DENND6A: variants seen among roughly 807,000 people sequenced by gnomAD.
The protein encoded by DENND6A is DENN domain containing 6A.
Under a neutral mutation model 95.5 loss-of-function variants are expected in DENND6A, and 43 were observed. The observed-to-expected ratio is 0.45, with a 90% CI of 0.35 to 0.58. The LOEUF is 0.58. DENND6A is among the 20% of genes least tolerant of loss of function. The pLI is 0.00. For missense variants in DENND6A, 574 were observed against 736.0 expected (o/e 0.78, Z 2.55); for synonymous variants, 257 against 260.4 (o/e 0.99, Z 0.13).
chr3:57,685,800 T>C (rs562993875), intron 1 of DENND6A, among the ~76,000 whole-genome samples: 25 of 152,296 alleles, frequency 1.6e-4, no homozygotes, highest in African/African-American at 6.0e-4. Flanking sequence ...GTTCATTCTA[T>C]TGCAATATGT....
intron 9 of DENND6A, among the ~76,000 whole-genome samples, chr3:57,649,026 T>C (rs777049852): frequency 1.3e-5 from 2 of 151,972 alleles, no homozygotes; most frequent in Admixed American, 6.6e-5. Flanking sequence ...TGGGACTTAT[T>C]TTGCTTCTGT....
At chr3:57,684,292 G>A (rs569302318) in intron 1 of DENND6A, among the ~76,000 whole-genome samples, 6 of 151,514 alleles carry the variant, frequency 4.0e-5, no homozygotes, top group East Asian at 1.9e-4. Flanking sequence ...AAACCCCGTC[G>A]TCTCTACTAA....
chr3:57,633,492 T>A, intron 14 of DENND6A, 138 bp from the exon 15 acceptor site: 1 of 713,002 alleles, frequency 1.4e-6, no homozygotes, highest in South Asian at 2.0e-5. Flanking sequence ...TGAAGTAATT[T>A]AATGTGAAGT....
chr3:57,680,522 A>G (rs1411622422), intron 1 of DENND6A, among the ~76,000 whole-genome samples: 1 of 152,194 alleles, frequency 6.6e-6, no homozygotes, highest in East Asian at 1.9e-4. Flanking sequence ...ACCAAACCCC[A>G]TATCAGCCAG....
chr3:57,673,638 C>T (rs1478344026), intron 1 of DENND6A, among the ~76,000 whole-genome samples: 2 of 152,202 alleles, frequency 1.3e-5, no homozygotes, highest in East Asian at 3.8e-4. Context: ...ATCCCAATAA[C>T]TCTATTTGAT....
At chr3:57,672,535 C>T in intron 1 of DENND6A, 97 bp from the exon 2 acceptor site, 1 of 1,286,700 alleles carries the variant, frequency 7.8e-7, no homozygotes, top group Non-Finnish European at 1.1e-6. Flanking sequence ...GTAATCCCAG[C>T]ACTTTGGGAG....
At chr3:57,676,016 C>T (rs936378978) in intron 1 of DENND6A, among the ~76,000 whole-genome samples, 3 of 151,714 alleles carry the variant, frequency 2.0e-5, no homozygotes, top group Non-Finnish European at 4.4e-5. Flanking sequence ...AAGGCTGCAG[C>T]GAGCCAAGAT....
chr3:57,682,110 T>C (rs1267558357), intron 1 of DENND6A, among the ~76,000 whole-genome samples: 1 of 152,046 alleles, frequency 6.6e-6, no homozygotes, highest in East Asian at 1.9e-4. Context: ...TGTTAAACCA[T>C]TTCCTATGTA....
chr3:57,633,212 A>T (rs1220618311), intron 15 of DENND6A, 53 bp downstream of exon 15: 38 of 1,442,314 alleles, frequency 2.6e-5, no homozygotes, highest in Admixed American at 6.9e-5. Context: ...AAAAACATTT[A>T]TATACCCTTC....
intron 6 of DENND6A, 41 bp from the exon 7 acceptor site, chr3:57,660,880 A>G: frequency 6.7e-7 from 1 of 1,501,578 alleles, no homozygotes; most frequent in South Asian, 1.3e-5. Context: ...ATAAGTGAAA[A>G]TATCAAAGTA....
In DENND6A at chr3:57,657,916, C is replaced by A. The variant is rs529652575; in HGVS notation, c.763-181G>T. ...AATATTCCCTAATATAGCAGAAAAT[C>A]AAAAATAATGCAGATAACATGGATA... On this transcript the variant is annotated intron_variant, in intron 8 of 19. Coordinates refer to ENST00000311128, the MANE Select transcript of DENND6A (RefSeq NM_152678.3). 2.6e-5 allele frequency among the ~76,000 whole-genome samples: 4 copies of A among 152,084 alleles called. No homozygotes were observed. The East Asian group carries it at 7.7e-4, about 29-fold the overall frequency.
chr3:57,655,492 A>C (rs2071306306), intron 9 of DENND6A, among the ~76,000 whole-genome samples: 1 of 152,254 alleles, frequency 6.6e-6, no homozygotes, highest in Non-Finnish European at 1.5e-5. Flanking sequence ...TCTACATTAC[A>C]AAATGTTCCC....
chr3:57,668,128 A>G (rs550051720), intron 3 of DENND6A, among the ~76,000 whole-genome samples: 33 of 152,180 alleles, frequency 2.2e-4, no homozygotes, highest in African/African-American at 7.7e-4. Flanking sequence ...TTATTTTTCT[A>G]ACAATTCAAT....
Position 57,641,678 on chromosome 3 carries a change from A to C in DENND6A, c.1107T>G (p.Ile369Met). Residue 369 changes from isoleucine to methionine, a missense_variant, in exon 12 of 20, where the codon ATT becomes ATG. Transcript: ENST00000311128. ...CTGTAGGTTTAAGGTCTCCTATTCG[A>C]ATAATGTGTGGCCAGTGCTGGAGTG... ...AKTLQHWPHI[I>M]RIGDLKPTGE... is the part of the protein sequence containing the mutation. 4.3e-6 allele frequency: 7 copies of C among 1,613,016 alleles called. No individual in the cohort carries two copies. The highest frequency in any genetic ancestry group is 5.9e-6 in the Non-Finnish European group (7 of 1,179,408).
At chr3:57,686,340 A>G (rs2077211583) in intron 1 of DENND6A, among the ~76,000 whole-genome samples, 1 of 152,232 alleles carries the variant, frequency 6.6e-6, no homozygotes, top group Non-Finnish European at 1.5e-5. Context: ...TTTCAAAATA[A>G]ATCTTTGATT....
At chr3:57,653,338 A>G (rs2071248844) in intron 9 of DENND6A, among the ~76,000 whole-genome samples, 1 of 152,234 alleles carries the variant, frequency 6.6e-6, no homozygotes, top group Non-Finnish European at 1.5e-5. Flanking sequence ...GTTACAAGAT[A>G]AATCATTCTT....
intron 9 of DENND6A, among the ~76,000 whole-genome samples, chr3:57,653,866 T>C (rs2071264358): frequency 6.6e-6 from 1 of 150,694 alleles, no homozygotes; most frequent in Non-Finnish European, 1.5e-5. Context: ...ATATTCCCAT[T>C]CTGGCGTATC....
At chr3:57,647,270 C>T (rs2071098766) in intron 9 of DENND6A, among the ~76,000 whole-genome samples, 1 of 152,074 alleles carries the variant, frequency 6.6e-6, no homozygotes, top group Non-Finnish European at 1.5e-5. Context: ...TATTCAAAAA[C>T]AAGATAAGTG....
At chr3:57,640,321 G>A (rs2070900763) in intron 12 of DENND6A, among the ~76,000 whole-genome samples, 1 of 150,024 alleles carries the variant, frequency 6.7e-6, no homozygotes, top group Non-Finnish European at 1.5e-5. Context: ...GGCAGGGAGT[G>A]GTGGCTCACA....
Sources: gnomAD v4.1 joint callset for allele counts (sites outside exome capture counted in the v4.1 genomes callset) on GRCh38, gnomAD v4.1.1 for gene constraint, MANE v1.5 for transcripts, NCBI Gene and HGNC (gene_info 2026-07-23, HGNC 2026-07-21) for gene names.